BBOX1: variants seen among roughly 807,000 people sequenced by gnomAD.
The protein encoded by BBOX1 is gamma-butyrobetaine dioxygenase.
BBOX1 carries 35 observed loss-of-function variants against 41.6 expected under a neutral mutation model. That is an observed-to-expected ratio of 0.84 (90% CI 0.64 to 1.11). The LOEUF is 1.11. BBOX1 is among the 50% of genes most tolerant of loss of function. BBOX1 has a pLI of 0.00. For synonymous variants in BBOX1, 163 were observed against 154.7 expected (o/e 1.05, Z -0.40); for missense variants, 458 against 460.6 (o/e 0.99, Z 0.05).
chr11:27,042,379 G>A (rs897655370), intron 2 of BBOX1, among the ~76,000 whole-genome samples: 2 of 152,304 alleles, frequency 1.3e-5, no homozygotes, highest in Admixed American at 6.5e-5. Flanking sequence ...CTGAGATGGG[G>A]TCTTGCTCTG....
intron 4 of BBOX1, among the ~76,000 whole-genome samples, chr11:27,072,019 G>A (rs953788273): frequency 2.0e-5 from 3 of 152,174 alleles, no homozygotes; most frequent in African/African-American, 4.8e-5. Flanking sequence ...CACAAGACAA[G>A]GATGCCCTTT....
chr11:27,112,542 A>C (rs1590221806), intron 5 of BBOX1, among the ~76,000 whole-genome samples: 1 of 152,136 alleles, frequency 6.6e-6, no homozygotes, highest in South Asian at 2.1e-4. Flanking sequence ...GTGGACAAAA[A>C]CAAGAAATGG....
At chr11:27,046,439 GACAC>G (rs34097371) in intron 2 of BBOX1, among the ~76,000 whole-genome samples, 1 of 149,630 alleles carries the variant, frequency 6.7e-6, no homozygotes, top group Admixed American at 6.7e-5. Flanking sequence ...ACACACCACA[GACAC>G]ACACACACAC....
intron 5 of BBOX1, among the ~76,000 whole-genome samples, chr11:27,114,976 G>A (rs1208181265): frequency 6.6e-6 from 1 of 151,674 alleles, no homozygotes; most frequent in Non-Finnish European, 1.5e-5. Flanking sequence ...GGGTAGAATG[G>A]AAAGAAACTG....
At chr11:27,076,375 C>A (rs980106464) in intron 4 of BBOX1, among the ~76,000 whole-genome samples, 1 of 152,174 alleles carries the variant, frequency 6.6e-6, no homozygotes, top group African/African-American at 2.4e-5. Flanking sequence ...GTCACTTGGG[C>A]AGACTCAGGA....
chr11:27,045,556 G>A (rs1205635165), intron 2 of BBOX1, among the ~76,000 whole-genome samples: 1 of 152,084 alleles, frequency 6.6e-6, no homozygotes, highest in Non-Finnish European at 1.5e-5. Context: ...GTATGATATT[G>A]GCTGTGGGTT....
chr11:27,048,492 T>C (rs1010175659), intron 2 of BBOX1, among the ~76,000 whole-genome samples: 1 of 147,722 alleles, frequency 6.8e-6, no homozygotes, highest in African/African-American at 2.5e-5. Flanking sequence ...TGTGTGTGTG[T>C]AGACAGATGA....
At chr11:27,041,561 G>C (rs1851348392) in intron 2 of BBOX1, 83 bp downstream of exon 2, 1 of 152,162 alleles carries the variant, frequency 6.6e-6, no homozygotes, top group South Asian at 2.1e-4. Flanking sequence ...CTTATTGCAA[G>C]GGTTTGTGAA....
Position 27,045,802 on chromosome 11 carries a change from T to G in BBOX1, c.-39+4324T>G, listed in dbSNP as rs934713809. On this transcript the variant is annotated intron_variant, in intron 2 of 8. Transcript: ENST00000263182. ...TTATTCTGAGGGATAAGTAATTTAG[T>G]AGATAAATCAGCCTTCTCAGGTACA... 3.0e-4 allele frequency among the ~76,000 whole-genome samples: 46 copies of G among 152,202 alleles called. 1 individual carries two copies. The highest frequency in any genetic ancestry group is 3.6e-4 in the African/African-American group (15 of 41,456).
chr11:27,122,512 G>A (rs933929802), intron 7 of BBOX1, among the ~76,000 whole-genome samples: 5 of 152,104 alleles, frequency 3.3e-5, no homozygotes, highest in African/African-American at 1.2e-4. Context: ...ACACTTACTG[G>A]GGGGAGATTT....
intron 4 of BBOX1, among the ~76,000 whole-genome samples, chr11:27,088,667 A>G (rs1273742996): frequency 6.6e-6 from 1 of 152,038 alleles, no homozygotes; most frequent in African/African-American, 2.4e-5. Flanking sequence ...GGACATAAAA[A>G]TACCCATGAT....
intron 2 of BBOX1, among the ~76,000 whole-genome samples, chr11:27,048,906 C>T (rs1214193141): frequency 3.5e-5 from 4 of 114,494 alleles, no homozygotes; most frequent in Non-Finnish European, 6.9e-5. Context: ...CCTCCCCCCA[C>T]CCCACAACAG....
At chr11:27,048,402 A>G (rs1851558739) in intron 2 of BBOX1, among the ~76,000 whole-genome samples, 1 of 151,946 alleles carries the variant, frequency 6.6e-6, no homozygotes, top group South Asian at 2.1e-4. Flanking sequence ...AATGCCCTTC[A>G]GGTTGATCTG....
At chr11:27,127,230 T>C (rs1462896091) in intron 8 of BBOX1, 63 bp from the exon 9 acceptor site, 5 of 1,540,108 alleles carry the variant, frequency 3.2e-6, no homozygotes, top group Non-Finnish European at 4.4e-6. Context: ...CATGTTACAT[T>C]TTCTAGCTCT....
intron 4 of BBOX1, among the ~76,000 whole-genome samples, chr11:27,089,112 T>A (rs770542302): frequency 6.3e-4 from 95 of 151,944 alleles, no homozygotes; most frequent in Admixed American, 3.3e-4. Flanking sequence ...AACCCAAGTC[T>A]CTTGCCTCCA....
rs180800115 is a variant in BBOX1 at position 27,050,510 on chromosome 11, T to C, written c.-38-4883T>C. Among the ~76,000 whole-genome samples, 45 of 152,276 alleles carry C rather than the reference T, an allele frequency of 3.0e-4. No individual in the cohort carries two copies. In the East Asian group the frequency reaches 7.9e-3, roughly 27 times the overall value. ...CAGAGTATTGTTCCATTTATTTGTG[T>C]CTCATTTAATTTTTTTGTCATCGTC... On this transcript the variant is annotated intron_variant, in intron 2 of 8. Transcript: ENST00000263182.
intron 4 of BBOX1, among the ~76,000 whole-genome samples, chr11:27,070,005 T>C (rs1026954457): frequency 6.6e-6 from 1 of 152,212 alleles, no homozygotes; most frequent in East Asian, 1.9e-4. Flanking sequence ...AATTTCCATC[T>C]TGATTTCATT....
intron 4 of BBOX1, among the ~76,000 whole-genome samples, chr11:27,058,769 G>A (rs1315929271): frequency 6.6e-6 from 1 of 152,192 alleles, no homozygotes; most frequent in South Asian, 2.1e-4. Context: ...AAGCAGCAAA[G>A]TAAGTGTTTA....
intron 4 of BBOX1, among the ~76,000 whole-genome samples, chr11:27,065,907 G>A (rs1359728362): frequency 6.6e-6 from 1 of 152,020 alleles, no homozygotes; most frequent in Non-Finnish European, 1.5e-5. Flanking sequence ...TGAAAAGCTG[G>A]TATCTTAAAA....
Sources: allele counts gnomAD v4.1 joint callset (sites outside exome capture counted in the v4.1 genomes callset), GRCh38; gene constraint gnomAD v4.1.1; transcripts MANE v1.5; gene names NCBI Gene and HGNC (gene_info 2026-07-23, HGNC 2026-07-21).